The following MAPK6 variants were observed in gnomAD, a reference collection of about 807,000 sequenced individuals.
MAPK6 encodes ERK-3.
In MAPK6, 19 loss-of-function variants were observed where a neutral mutation model predicts 59.3. The ratio of observed to expected loss-of-function variants is 0.32; its 90% CI spans 0.22 to 0.47. The LOEUF is 0.47. Among genes scored for constraint, MAPK6 ranks in the 20% least tolerant of loss-of-function variants. MAPK6 has a pLI of 1.00. For synonymous variants in MAPK6, 316 were observed against 290.3 expected (o/e 1.09, Z -0.90); for missense variants, 724 against 847.9 (o/e 0.85, Z 1.81).
At chr15:52,044,850 A>G (rs1222652023) in intron 1 of MAPK6, among the ~76,000 whole-genome samples, 1 of 151,978 alleles carries the variant, frequency 6.6e-6, no homozygotes, top group Non-Finnish European at 1.5e-5. Flanking sequence ...ATTAAAACGC[A>G]GATAAATGAT....
At position 52,063,771 on chromosome 15, in the gene MAPK6, G is replaced by A. The variant is rs745523178; in HGVS notation, c.1068-131G>A. The A allele has an allele frequency of 8.1e-6, 5 of 620,694 alleles. No homozygotes were observed. The South Asian group carries it at 2.7e-4, about 33-fold the overall frequency. 38.4% of individuals were successfully genotyped at this position (620,694 alleles called of 1,614,324 possible). ...CAAGACTAAGTTCTGGTAGGGCAAG[G>A]CAGGCATATTTACTCTCCTATAATT... On this transcript the variant is annotated intron_variant, in intron 5 of 5. Coordinates refer to ENST00000261845, the MANE Select transcript of MAPK6 (RefSeq NM_002748.4).
At position 51,985,957 on chromosome 15, in the gene MAPK6, C is replaced by CA. The variant is rs1179326978; in HGVS notation, c.-770+2652dup. ...TGGGCGACAGAGTGAGACTCCGTCT[C>CA]AAAAAAAAAACAAAAAACAACGACA... On this transcript the variant is annotated intron_variant, in intron 2 of 7. Transcript: ENST00000691380. 7.7e-4 allele frequency among the ~76,000 whole-genome samples: 106 copies of CA among 137,052 alleles called. 1 individual carries two copies. The highest frequency in any genetic ancestry group is 4.8e-3 in the South Asian group (20 of 4,162). 89.9% of individuals were successfully genotyped at this position (137,052 alleles called of 152,430 possible).
At chr15:52,030,664 C>T (rs2030994945) in intron 1 of MAPK6, among the ~76,000 whole-genome samples, 1 of 132,862 alleles carries the variant, frequency 7.5e-6, no homozygotes, top group Non-Finnish European at 1.5e-5. Flanking sequence ...CACTCTGTTG[C>T]CCAGGATGAA....
chr15:51,985,755 A>G (rs1242101831), intron 2 of MAPK6, among the ~76,000 whole-genome samples: 1 of 152,090 alleles, frequency 6.6e-6, no homozygotes, highest in Non-Finnish European at 1.5e-5. Flanking sequence ...TCAGGACATC[A>G]AGACCATCCT....
intron 1 of MAPK6, among the ~76,000 whole-genome samples, chr15:51,980,345 G>T (rs989846658): frequency 6.6e-6 from 1 of 150,822 alleles, no homozygotes; most frequent in East Asian, 1.9e-4. Flanking sequence ...GTAGTGTTTA[G>T]TTAACTCTGG....
chr15:51,998,504 C>CTTT (rs368179816), intron 2 of MAPK6, among the ~76,000 whole-genome samples: 2,301 of 128,488 alleles, frequency 0.018, 97 homozygotes, highest in African/African-American at 0.065. Context: ...CGCACCTGGC[C>CTTT]TTTTTTTTTT....
At chr15:52,007,180 T>G (rs1055548616) in intron 3 of MAPK6, among the ~76,000 whole-genome samples, 24 of 152,132 alleles carry the variant, frequency 1.6e-4, no homozygotes, top group African/African-American at 5.8e-4. Context: ...TGCTCCCAAG[T>G]GTGGGCGGCT....
chr15:52,003,045 G>A (rs1292274549), intron 2 of MAPK6, among the ~76,000 whole-genome samples: 1 of 152,012 alleles, frequency 6.6e-6, no homozygotes, highest in East Asian at 1.9e-4. Context: ...TAATTAGCAG[G>A]GTATGGTGGT....
intron 1 of MAPK6, among the ~76,000 whole-genome samples, chr15:52,044,313 G>A (rs12439478): frequency 0.011 from 1,607 of 151,948 alleles, 108 homozygotes; most frequent in Admixed American, 0.096. Flanking sequence ...TACAAGACCC[G>A]TTCTTATTTA....
chr15:52,019,127 C>G (rs2030374902), upstream of MAPK6: 1 of 152,250 alleles, frequency 6.6e-6, no homozygotes, highest in Non-Finnish European at 1.5e-5. Flanking sequence ...AATTCCGGCG[C>G]GTGCGGGTGC....
intron 1 of MAPK6, among the ~76,000 whole-genome samples, chr15:52,034,638 T>G (rs2031175371): frequency 6.6e-6 from 1 of 151,742 alleles, no homozygotes; most frequent in African/African-American, 2.4e-5. Flanking sequence ...TTCCTTCACT[T>G]TTCTTCACTT....
chr15:52,016,109 A>ACACACACACACACACAC, upstream of MAPK6, among the ~76,000 whole-genome samples: 1 of 48,422 alleles, frequency 2.1e-5, no homozygotes, highest in Admixed American at 2.0e-4. Context: ...CACACACACA[A>ACACACACACACACACAC]ACTAAAACTG....
At chr15:51,998,514 T>TG (rs1215429100) in intron 2 of MAPK6, among the ~76,000 whole-genome samples, 43 of 148,312 alleles carry the variant, frequency 2.9e-4, no homozygotes, top group African/African-American at 1.1e-3. Flanking sequence ...CTTTTTTTTT[T>TG]TTTTTCTCCC....
chr15:51,991,144 T>TACACACACACACAC (rs549438786), intron 2 of MAPK6, among the ~76,000 whole-genome samples: 1 of 104,276 alleles, frequency 9.6e-6, no homozygotes, highest in African/African-American at 5.0e-5. Flanking sequence ...GAAATATATA[T>TACACACACACACAC]ATATACACAC....
intron 1 of MAPK6, among the ~76,000 whole-genome samples, chr15:52,027,133 C>T (rs1299706619): frequency 6.6e-6 from 1 of 151,892 alleles, no homozygotes. Flanking sequence ...GCGGGCGGAT[C>T]ACAAGGTCAG....
chr15:52,012,110 C>T (rs1159217683), intron 3 of MAPK6, among the ~76,000 whole-genome samples: 4 of 152,178 alleles, frequency 2.6e-5, no homozygotes, highest in Admixed American at 2.0e-4. Context: ...CAATGCCTCT[C>T]GTAATAGCCC....
At chr15:52,032,185 A>ATTT (rs2031063482) in intron 1 of MAPK6, among the ~76,000 whole-genome samples, 1 of 111,826 alleles carries the variant, frequency 8.9e-6, no homozygotes, top group East Asian at 2.7e-4. Flanking sequence ...AACAATTTTT[A>ATTT]ATTTTTTTTT....
At chr15:51,985,180 T>C (rs1566893807) in intron 2 of MAPK6, among the ~76,000 whole-genome samples, 2 of 151,948 alleles carry the variant, frequency 1.3e-5, no homozygotes, top group African/African-American at 4.8e-5. Flanking sequence ...AATCTCTATA[T>C]AAAATTTTTT....
chr15:52,056,005 T>C (rs1007249615), intron 3 of MAPK6, among the ~76,000 whole-genome samples: 2 of 152,248 alleles, frequency 1.3e-5, no homozygotes, highest in Non-Finnish European at 2.9e-5. Flanking sequence ...CCAGGTGCTT[T>C]ATTGATTTTT....
Sources: allele counts gnomAD v4.1 joint callset (sites outside exome capture counted in the v4.1 genomes callset), GRCh38; gene constraint gnomAD v4.1.1; transcripts MANE v1.5; gene names NCBI Gene and HGNC (gene_info 2026-07-23, HGNC 2026-07-21).